NCKAP5: variants seen among roughly 807,000 people sequenced by gnomAD.
NCKAP5 encodes the protein nck-associated protein 5.
A neutral mutation model predicts 167.0 loss-of-function variants in NCKAP5; 92 were observed. The ratio of observed to expected loss-of-function variants is 0.55; its 90% confidence interval spans 0.47 to 0.66. The LOEUF (loss-of-function observed/expected upper bound fraction) is 0.66. Among genes scored for constraint, NCKAP5 ranks in the 30% least tolerant of loss-of-function variants. The pLI, the probability that NCKAP5 is intolerant of heterozygous loss-of-function variation, is 0.00. For missense variants in NCKAP5, 2,378 were observed against 2,315.0 expected (o/e 1.03, Z -0.56); for synonymous variants, 891 against 877.4 (o/e 1.02, Z -0.27).
intron 6 of NCKAP5, among the ~76,000 whole-genome samples, chr2:133,059,164 G>C (rs1345953103): frequency 1.3e-5 from 2 of 152,054 alleles, no homozygotes; most frequent in East Asian, 3.9e-4. Flanking sequence ...GCTGGGAGTG[G>C]TGGTGGGCAC....
intron 19 of NCKAP5, among the ~76,000 whole-genome samples, chr2:132,699,616 A>T (rs1452533254): frequency 1.3e-5 from 2 of 151,986 alleles, no homozygotes; most frequent in African/African-American, 4.8e-5. Context: ...TGCTCAAAAT[A>T]TTGGTTTCCA....
chr2:133,577,519 T>A, the NCKAP5 span, among the ~76,000 whole-genome samples: 59 of 152,174 alleles, frequency 3.9e-4, 1 homozygote, highest in Admixed American at 1.7e-3. Context: ...ATAGGATTTT[T>A]AAATTATTAT....
At chr2:132,826,989 C>T (rs1178261454) in intron 11 of NCKAP5, among the ~76,000 whole-genome samples, 1 of 152,078 alleles carries the variant, frequency 6.6e-6, no homozygotes, top group Non-Finnish European at 1.5e-5. Flanking sequence ...AACTGACACT[C>T]TAGGTATCGA....
intron 6 of NCKAP5, among the ~76,000 whole-genome samples, chr2:133,062,743 G>A (rs1573913514): frequency 6.6e-6 from 1 of 152,050 alleles, no homozygotes; most frequent in South Asian, 2.1e-4. Flanking sequence ...AGATTAATGT[G>A]TTACAAAGTT....
chr2:133,421,889 A>G (rs1454709106), intron 3 of NCKAP5, among the ~76,000 whole-genome samples: 2 of 152,218 alleles, frequency 1.3e-5, no homozygotes, highest in Non-Finnish European at 2.9e-5. Context: ...AGTGATAGCT[A>G]GAGGGTGTGC....
At chr2:132,977,118 C>T (rs1188225238) in intron 7 of NCKAP5, among the ~76,000 whole-genome samples, 1 of 152,130 alleles carries the variant, frequency 6.6e-6, no homozygotes, top group African/African-American at 2.4e-5. Context: ...TAATGTAAGA[C>T]TCTCAGGGGC....
chr2:133,374,741 A>G (rs571977880), intron 3 of NCKAP5, among the ~76,000 whole-genome samples: 44 of 152,264 alleles, frequency 2.9e-4, no homozygotes, highest in African/African-American at 1.0e-3. Flanking sequence ...AAAAATGTCT[A>G]CTAAAAACAA....
At chr2:133,619,844 C>G in the NCKAP5 span, among the ~76,000 whole-genome samples, 1 of 152,074 alleles carries the variant, frequency 6.6e-6, no homozygotes, top group South Asian at 2.1e-4. Context: ...ATCTTAAGAG[C>G]TATGAGGCAA....
intron 12 of NCKAP5, 70 bp downstream of exon 12, chr2:132,796,558 G>T: frequency 3.7e-6 from 4 of 1,070,584 alleles, no homozygotes; most frequent in South Asian, 1.4e-5. Flanking sequence ...TGGTTCGCTT[G>T]TGACATCATA....
At chr2:132,849,923 G>A (rs903498421) in intron 11 of NCKAP5, among the ~76,000 whole-genome samples, 45 of 152,166 alleles carry the variant, frequency 3.0e-4, no homozygotes, top group African/African-American at 6.5e-4. Context: ...CCCCCATGGC[G>A]TAGTAGAAAG....
intron 18 of NCKAP5, 144 bp from the exon 19 acceptor site, chr2:132,725,903 C>T (rs1049619613): frequency 9.4e-6 from 8 of 850,022 alleles, no homozygotes; most frequent in Middle Eastern, 3.2e-4. Flanking sequence ...GCCGCTCACC[C>T]GAGAGCAACT....
chr2:133,051,576 C>T (rs1462765507), intron 6 of NCKAP5, among the ~76,000 whole-genome samples: 2 of 152,112 alleles, frequency 1.3e-5, no homozygotes, highest in African/African-American at 2.4e-5. Flanking sequence ...GATGCCGAAC[C>T]CAGGCCTGCA....
At chr2:133,413,494 T>C (rs1373497237) in intron 3 of NCKAP5, among the ~76,000 whole-genome samples, 2 of 152,064 alleles carry the variant, frequency 1.3e-5, no homozygotes, top group African/African-American at 4.8e-5. Context: ...TGATATACTA[T>C]AGTTATATGT....
At chr2:132,745,817 TAAAC>T (rs1327203639) in intron 16 of NCKAP5, among the ~76,000 whole-genome samples, 1 of 151,946 alleles carries the variant, frequency 6.6e-6, no homozygotes, top group Admixed American at 6.6e-5. Context: ...AATTGGTAAT[TAAAC>T]AATACTATTT....
intron 6 of NCKAP5, among the ~76,000 whole-genome samples, chr2:133,057,320 C>T (rs1182210290): frequency 1.3e-5 from 2 of 152,126 alleles, no homozygotes; most frequent in Non-Finnish European, 2.9e-5. Context: ...AAATCAAAAG[C>T]TAGAAATAAT....
intron 2 of NCKAP5, among the ~76,000 whole-genome samples, chr2:133,551,406 A>C (rs1687281367): frequency 8.0e-6 from 1 of 125,642 alleles, no homozygotes; most frequent in African/African-American, 3.1e-5. Flanking sequence ...ATATAGATCA[A>C]TGGAACAGAA....
rs143603720 is a variant in NCKAP5 at position 132,775,416 on chromosome 2, C to T, written c.5050-1522G>A. Among the ~76,000 whole-genome samples, 10 of 152,314 alleles carry T rather than the reference C, an allele frequency of 6.6e-5. No individual in the cohort carries two copies. In the East Asian group the frequency reaches 1.9e-3, roughly 29 times the overall value. ...GAGAGTATGTAAATGGCTAACTCAA[C>T]ACTGGCAAGGACAGATCGTTAAGCG... is the stretch of plus-strand genomic sequence containing the variant. On this transcript the variant is annotated intron_variant, in intron 15 of 19. Coordinates refer to ENST00000409261, the MANE Select transcript of NCKAP5 (RefSeq NM_207363.3).
At chr2:133,162,743 T>C (rs766351954) in intron 5 of NCKAP5, among the ~76,000 whole-genome samples, 26 of 152,310 alleles carry the variant, frequency 1.7e-4, no homozygotes, top group Non-Finnish European at 3.1e-4. Flanking sequence ...CCACAATACA[T>C]AGTCTTATAA....
At chr2:133,299,503 T>G (rs1382025616) in intron 4 of NCKAP5, among the ~76,000 whole-genome samples, 3 of 152,088 alleles carry the variant, frequency 2.0e-5, no homozygotes, top group African/African-American at 7.2e-5. Context: ...TCTCAGCACT[T>G]TGGGAGTCCA....
Sources: allele counts gnomAD v4.1 joint callset (sites outside exome capture counted in the v4.1 genomes callset), GRCh38; gene constraint gnomAD v4.1.1; transcripts MANE v1.5; gene names NCBI Gene and HGNC (gene_info 2026-07-23, HGNC 2026-07-21).